The following DAB1 variants were observed in gnomAD, a reference collection of about 807,000 sequenced individuals.
DAB1 encodes the protein disabled homolog 1.
A neutral mutation model predicts 64.6 loss-of-function variants in DAB1; 15 were observed. That is an observed-to-expected ratio of 0.23 (90% CI 0.16 to 0.36). The LOEUF is 0.36. Among genes scored for constraint, DAB1 ranks in the 10% least tolerant of loss-of-function variants. The probability of loss-of-function intolerance (pLI) is 1.00; values close to 1 mark genes in which losing one functional copy is unlikely to be tolerated. For missense variants in DAB1, 596 were observed against 706.7 expected (o/e 0.84, Z 1.78); for synonymous variants, 235 against 251.9 (o/e 0.93, Z 0.64).
chr1:57,179,685 T>C (rs1206292052), intron 2 of DAB1, among the ~76,000 whole-genome samples: 1 of 152,190 alleles, frequency 6.6e-6, no homozygotes, highest in Non-Finnish European at 1.5e-5. Flanking sequence ...CCATCCTACC[T>C]GGTTTGAAAG....
intron 4 of DAB1, among the ~76,000 whole-genome samples, chr1:58,305,532 C>A (rs1207994455): frequency 7.2e-5 from 11 of 152,086 alleles, no homozygotes; most frequent in Admixed American, 7.2e-4. Flanking sequence ...AGTCATTATT[C>A]CAGTTACAAA....
intron 4 of DAB1, among the ~76,000 whole-genome samples, chr1:58,269,286 T>C (rs1661254758): frequency 6.6e-6 from 1 of 151,672 alleles, no homozygotes; most frequent in African/African-American, 2.4e-5. Context: ...GTTCTTGTGA[T>C]AGTTTACTGA....
chr1:57,390,932 C>T (rs1175778535), intron 1 of DAB1, among the ~76,000 whole-genome samples: 2 of 152,160 alleles, frequency 1.3e-5, no homozygotes, highest in African/African-American at 4.8e-5. Flanking sequence ...ACAAGCATTC[C>T]ATTGCTGTCC....
At chr1:58,148,225 C>CCTA (rs1654721592) in intron 5 of DAB1, among the ~76,000 whole-genome samples, 1 of 152,180 alleles carries the variant, frequency 6.6e-6, no homozygotes, top group African/African-American at 2.4e-5. Context: ...CTGGCAATTA[C>CCTA]CTACCACCAG....
intron 2 of DAB1, among the ~76,000 whole-genome samples, chr1:57,148,429 A>C (rs573693084): frequency 6.6e-6 from 1 of 152,374 alleles, no homozygotes; most frequent in Admixed American, 6.5e-5. Flanking sequence ...GTAATTTTTC[A>C]TGAGTACATC....
intron 4 of DAB1, among the ~76,000 whole-genome samples, chr1:58,167,193 G>A (rs956118584): frequency 3.3e-5 from 5 of 152,218 alleles, no homozygotes; most frequent in African/African-American, 1.2e-4. Context: ...TCTGGGTCAG[G>A]TGGGGACTTG....
At chr1:58,492,298 C>T (rs1357783722) in intron 3 of DAB1, among the ~76,000 whole-genome samples, 6 of 151,982 alleles carry the variant, frequency 3.9e-5, no homozygotes, top group Admixed American at 3.9e-4. Context: ...ACTAAATGCT[C>T]ACAAAAGAAA....
intron 13 of DAB1, 91 bp from the exon 14 acceptor site, chr1:57,010,881 C>T: frequency 7.7e-6 from 8 of 1,034,424 alleles, no homozygotes; most frequent in African/African-American, 1.6e-5. Flanking sequence ...GCAGCACAAT[C>T]AGTTATTGTA....
chr1:58,466,852 T>C lies in DAB1; in HGVS notation n.257+39208A>G, dbSNP rs1223510572. On this transcript the variant is annotated intron_variant and non_coding_transcript_variant, in intron 3 of 20. Transcript: ENST00000485760. ...GTTTGTGCATCTAAGCCCCCACTAG[T>C]TGGGGGACTCCTTGTGGTGGGTGTC... Among the ~76,000 whole-genome samples, 4 of 152,138 alleles carry C rather than the reference T, an allele frequency of 2.6e-5. No individual in the cohort carries two copies. The East Asian group carries it at 5.8e-4, about 22-fold the overall frequency.
chr1:57,391,774 C>CAA (rs201169847), intron 1 of DAB1, among the ~76,000 whole-genome samples: 173 of 88,238 alleles, frequency 2.0e-3, no homozygotes, highest in African/African-American at 7.2e-3. Flanking sequence ...TAAACACACA[C>CAA]ACACACACAC....
At position 58,184,848 on chromosome 1, in the gene DAB1, T is replaced by C. The variant is rs1239746119; in HGVS notation, n.310-34260A>G. On this transcript the variant is annotated intron_variant and non_coding_transcript_variant, in intron 4 of 20. Transcript: ENST00000485760. Reference sequence around the variant, plus strand: ...CTTTTACTCTAATTCAGAATGCATTTTGCCACTCTGAAGGATACATTGGTT... The same window carrying C: ...CTTTTACTCTAATTCAGAATGCATTCTGCCACTCTGAAGGATACATTGGTT... 3.9e-5 allele frequency among the ~76,000 whole-genome samples: 6 copies of C among 152,294 alleles called. No individual in the cohort carries two copies. In the South Asian group the frequency reaches 6.2e-4, roughly 16 times the overall value.
rs1014427077 is a variant in DAB1, at chr1:58,059,805, C to G, written n.387+90706G>C. Among the ~76,000 whole-genome samples, 13 of 152,222 alleles carry G rather than the reference C, an allele frequency of 8.5e-5. 1 individual carries two copies. The highest frequency in any genetic ancestry group is 2.9e-4 in the African/African-American group (12 of 41,456). On this transcript the variant is annotated intron_variant and non_coding_transcript_variant, in intron 5 of 20. Transcript: ENST00000485760. ...ATCATTTTCATTTCACAAGAAGTCA[C>G]AGCGAGGCTAAGCAATTTCTCCAGG...
chr1:57,885,130 T>C (rs1644203414), upstream of DAB1, among the ~76,000 whole-genome samples: 3 of 152,348 alleles, frequency 2.0e-5, no homozygotes, highest in South Asian at 6.2e-4. Context: ...CAGATCTTTA[T>C]CTCAATAGAT....
intron 2 of DAB1, among the ~76,000 whole-genome samples, chr1:57,236,008 G>A (rs1359300098): frequency 2.6e-5 from 4 of 152,168 alleles, no homozygotes; most frequent in Non-Finnish European, 1.5e-5. Flanking sequence ...ATACTTGGGG[G>A]TGGTACCCTG....
At chr1:57,142,940 C>T (rs529250234) in intron 3 of DAB1, among the ~76,000 whole-genome samples, 1 of 152,222 alleles carries the variant, frequency 6.6e-6, no homozygotes, top group East Asian at 1.9e-4. Context: ...CTCCACTTGC[C>T]AGACTTCATA....
chr1:58,351,300 G>A (rs149417466), intron 3 of DAB1, among the ~76,000 whole-genome samples: 115 of 152,216 alleles, frequency 7.6e-4, no homozygotes, highest in African/African-American at 2.4e-3. Flanking sequence ...ACCCATGCAT[G>A]GTTACAACCA....
intron 4 of DAB1, among the ~76,000 whole-genome samples, chr1:58,163,602 C>T (rs193023757): frequency 1.3e-5 from 2 of 152,290 alleles, no homozygotes; most frequent in African/African-American, 4.8e-5. Flanking sequence ...GACTGAACTC[C>T]TTCCCAATCC....
chr1:57,103,557 G>A (rs891422382), intron 4 of DAB1, among the ~76,000 whole-genome samples: 1 of 152,138 alleles, frequency 6.6e-6, no homozygotes, highest in South Asian at 2.1e-4. Flanking sequence ...TACTAGGAGT[G>A]TGGGGAAAGG....
intron 2 of DAB1, among the ~76,000 whole-genome samples, chr1:58,517,730 T>A: frequency 6.6e-6 from 1 of 152,152 alleles, no homozygotes; most frequent in East Asian, 1.9e-4. Flanking sequence ...AAAATCATCA[T>A]AATGGATCAG....
Sources: allele counts gnomAD v4.1 joint callset (sites outside exome capture counted in the v4.1 genomes callset), GRCh38; gene constraint gnomAD v4.1.1; transcripts MANE v1.5; gene names NCBI Gene and HGNC (gene_info 2026-07-23, HGNC 2026-07-21).